The following SRPRB variants were observed in gnomAD, a reference collection of about 807,000 sequenced individuals.
SRPRB encodes signal recognition particle receptor subunit beta.
In SRPRB, 20 loss-of-function variants were observed where a neutral mutation model predicts 31.9. The ratio of observed to expected loss-of-function variants is 0.63; its 90% CI spans 0.44 to 0.91. SRPRB has a LOEUF of 0.91. SRPRB is among the 40% of genes least tolerant of loss of function. The pLI, the probability that SRPRB is intolerant of heterozygous loss-of-function variation, is 0.00. For synonymous variants in SRPRB, 146 were observed against 132.8 expected (o/e 1.10, Z -0.68); for missense variants, 321 against 324.9 (o/e 0.99, Z 0.09).
chr3:133,819,832 T>C lies in SRPRB; in HGVS notation c.*66T>C. 3 of 1,453,324 alleles carry C rather than the reference T, an allele frequency of 2.1e-6. 1 individual carries two copies. The highest frequency in any genetic ancestry group is 2.4e-5 in the South Asian group (2 of 82,936). The allele number at this position is 1,453,324 out of a possible 1,614,324, so 90.0% of individuals were successfully genotyped here. On this transcript the variant is annotated 3_prime_UTR_variant, in exon 7 of 7. Coordinates refer to ENST00000678299, the MANE Select transcript of SRPRB (RefSeq NM_001379313.1). ...AGTTTTGGAAAAAGGTCTGTGGTAG[T>C]CTGGAGTTGATGAGGAAGGGGTACA...
chr3:133,803,638 A>G (rs1467056883), upstream of SRPRB, among the ~76,000 whole-genome samples: 1 of 151,226 alleles, frequency 6.6e-6, no homozygotes. Flanking sequence ...ACACATTAGT[A>G]ATAAAGGAAG....
At chr3:133,815,865 A>C (rs924289366) in intron 5 of SRPRB, 139 bp downstream of exon 5, 1 of 1,081,456 alleles carries the variant, frequency 9.2e-7, no homozygotes, top group Non-Finnish European at 1.3e-6. Flanking sequence ...AAGGATTTTT[A>C]ATCTTAAAAT....
intron 4 of SRPRB, among the ~76,000 whole-genome samples, chr3:133,812,139 G>A (rs949978236): frequency 6.6e-6 from 1 of 152,162 alleles, no homozygotes; most frequent in Non-Finnish European, 1.5e-5. Context: ...ATAGTTGATG[G>A]TGTCATAGTT....
Position 133,820,084 on chromosome 3 carries a change from A to AT in SRPRB, c.*319dup, listed in dbSNP as rs1935444493. 1 of 267,122 alleles carries AT rather than the reference A, an allele frequency of 3.7e-6. No individual in the cohort carries two copies. Among genetic ancestry groups the AT allele is most frequent in the Admixed American group, 4.8e-5 (1 of 20,858 alleles). 16.5% of individuals were successfully genotyped at this position (267,122 alleles called of 1,614,324 possible). On this transcript the variant is annotated 3_prime_UTR_variant, in exon 7 of 7. Coordinates refer to ENST00000678299, the MANE Select transcript of SRPRB (RefSeq NM_001379313.1). ...TCCACACAGAGAGGATATGATGAGAATATGGCCATCACCTGAAAAGTTTTC... is the reference window on the plus strand; with the variant it reads ...TCCACACAGAGAGGATATGATGAGAATTATGGCCATCACCTGAAAAGTTTTC...
At chr3:133,819,446 A>G in intron 6 of SRPRB, 107 bp from the exon 7 acceptor site, 1 of 961,922 alleles carries the variant, frequency 1.0e-6, no homozygotes, top group South Asian at 1.5e-5. Flanking sequence ...CATAATTGGC[A>G]ATTCTATAGT....
intron 3 of SRPRB, 194 bp from the exon 4 acceptor site, chr3:133,810,923 C>T: frequency 8.8e-6 from 4 of 455,806 alleles, no homozygotes; most frequent in South Asian, 4.2e-5. Flanking sequence ...TAAATTTTGC[C>T]AGATCAGGAA....
At chr3:133,812,376 C>G (rs542228106) in intron 4 of SRPRB, among the ~76,000 whole-genome samples, 2 of 152,292 alleles carry the variant, frequency 1.3e-5, no homozygotes, top group Admixed American at 6.5e-5. Flanking sequence ...TAAATTTTGC[C>G]ATAATTGGGT....
At chr3:133,817,618 A>G (rs978933329) in intron 6 of SRPRB, among the ~76,000 whole-genome samples, 1 of 152,184 alleles carries the variant, frequency 6.6e-6, no homozygotes, top group African/African-American at 2.4e-5. Flanking sequence ...GTGTAGAAGA[A>G]ATGATCAACA....
chr3:133,824,980 A>G (rs1331940111), downstream of SRPRB: 1 of 152,176 alleles, frequency 6.6e-6, no homozygotes, highest in Non-Finnish European at 1.5e-5. Flanking sequence ...GCCTGTAGAC[A>G]GGAAAAGTTG....
intron 4 of SRPRB, among the ~76,000 whole-genome samples, chr3:133,814,276 C>T (rs1276264691): frequency 6.6e-6 from 1 of 151,944 alleles, no homozygotes; most frequent in Non-Finnish European, 1.5e-5. Context: ...GGACAACAGG[C>T]ACCCGCCATC....
chr3:133,806,322 C>T (rs571286193), intron 1 of SRPRB, among the ~76,000 whole-genome samples: 3 of 152,242 alleles, frequency 2.0e-5, no homozygotes, highest in Non-Finnish European at 4.4e-5. Context: ...GGTCTTGACA[C>T]CAACTTTCAG....
intron 1 of SRPRB, among the ~76,000 whole-genome samples, chr3:133,800,436 T>C (rs1935044597): frequency 6.6e-6 from 1 of 152,230 alleles, no homozygotes; most frequent in African/African-American, 2.4e-5. Context: ...TCAGGACCTC[T>C]TGTGTTTCCA....
At position 133,805,860 on chromosome 3, in the gene SRPRB, G is replaced by A. The variant is rs1007265843; in HGVS notation, c.12G>A (p.Ala4=). 1.9e-6 allele frequency: 3 copies of A among 1,610,972 alleles called. No individual in the cohort carries two copies. Among genetic ancestry groups the A allele is most frequent in the African/African-American group, 2.7e-5 (2 of 74,872 alleles). Residue 4 remains alanine (A), a synonymous_variant, in exon 1 of 7, where the codon GCG becomes GCA. Transcript: ENST00000678299. MAS[A]DSRRVADGGG... ...CACGCGTCTCATCCATGGCTTCCGC[G>A]GACTCGCGCCGGGTGGCAGATGGCG...
intron 4 of SRPRB, among the ~76,000 whole-genome samples, 163 bp from the exon 5 acceptor site, chr3:133,815,427 A>G (rs1363692549): frequency 6.6e-6 from 1 of 152,036 alleles, no homozygotes; most frequent in African/African-American, 2.4e-5. Flanking sequence ...TTCCTTGTTA[A>G]ATGAGGATTT....
upstream of SRPRB, among the ~76,000 whole-genome samples, chr3:133,804,611 T>C (rs117431032): frequency 0.014 from 2,087 of 152,268 alleles, 54 homozygotes; most frequent in South Asian, 0.12. Context: ...AAGGTTGCGA[T>C]GGCCTTTGTG....
At chr3:133,808,904 A>T (rs7631166) in intron 3 of SRPRB, among the ~76,000 whole-genome samples, 8,298 of 150,722 alleles carry the variant, frequency 0.055, 600 homozygotes, top group African/African-American at 0.15. Flanking sequence ...AAAAAAAAAA[A>T]ATATAAGGAA....
At chr3:133,809,341 G>A (rs1446015156) in intron 3 of SRPRB, among the ~76,000 whole-genome samples, 2 of 152,316 alleles carry the variant, frequency 1.3e-5, no homozygotes. Flanking sequence ...GTTGGAGGAT[G>A]TGGATGGATA....
chr3:133,813,446 T>C (rs1458938286), intron 4 of SRPRB, among the ~76,000 whole-genome samples: 1 of 152,230 alleles, frequency 6.6e-6, no homozygotes, highest in Non-Finnish European at 1.5e-5. Flanking sequence ...TCCCTCAGAT[T>C]TGTTTTCTAG....
At chr3:133,814,132 ATT>A (rs928130359) in intron 4 of SRPRB, among the ~76,000 whole-genome samples, 20 of 137,768 alleles carry the variant, frequency 1.5e-4, no homozygotes, top group Admixed American at 1.5e-4. Flanking sequence ...TAAGGCTTGT[ATT>A]TTTTTTTTTT....
Sources: gnomAD v4.1 joint callset for allele counts (sites outside exome capture counted in the v4.1 genomes callset) on GRCh38, gnomAD v4.1.1 for gene constraint, MANE v1.5 for transcripts, NCBI Gene and HGNC (gene_info 2026-07-23, HGNC 2026-07-21) for gene names.